FRAS1: variants seen among roughly 807,000 people sequenced by gnomAD.
FRAS1 encodes extracellular matrix organizing protein FRAS1.
Under a neutral mutation model 435.2 loss-of-function variants are expected in FRAS1, and 290 were observed. The observed-to-expected ratio is 0.67, with a 90% CI of 0.61 to 0.73. FRAS1 has a LOEUF of 0.73. Ranked by LOEUF, FRAS1 falls within the 30% of genes least tolerant of loss-of-function variation. The pLI is 0.00. For missense variants in FRAS1, 4,860 were observed against 5,001.5 expected, an observed-to-expected ratio of 0.97 and a Z score of 0.85; for synonymous variants, 1,800 against 1,851.0, an observed-to-expected ratio of 0.97 and a Z score of 0.71.
chr4:78,170,249 A>G (rs557440461), intron 2 of FRAS1, among the ~76,000 whole-genome samples: 1 of 152,204 alleles, frequency 6.6e-6, no homozygotes, highest in South Asian at 2.1e-4. Flanking sequence ...CCTATGTTAA[A>G]GGCTGGGTTT....
chr4:78,430,228 T>C (rs1734157805), intron 36 of FRAS1, 64 bp from the exon 37 acceptor site: 5 of 1,604,970 alleles, frequency 3.1e-6, no homozygotes, highest in Middle Eastern at 1.7e-4. Flanking sequence ...GCGGTTTTAA[T>C]ATATAGTCTA....
In FRAS1 at chr4:78,117,295, G is replaced by A. The variant is rs566648637; in HGVS notation, c.108+51279G>A. On this transcript the variant is annotated intron_variant, in intron 2 of 73. Transcript: ENST00000512123. ...TCCTTCATTTCAACTTTGGTGAATC[G>A]GACAATTATGTGTCTTGGAGTTGCT... 9.9e-5 allele frequency among the ~76,000 whole-genome samples: 15 copies of A among 152,122 alleles called. No homozygotes were observed. In the South Asian group the frequency reaches 1.7e-3, roughly 17 times the overall value.
rs528259626 is a variant in FRAS1 at position 78,403,601 on chromosome 4, A to T, written c.4129+2714A>T. 2.6e-5 allele frequency among the ~76,000 whole-genome samples: 4 copies of T among 152,296 alleles called. No homozygotes were observed. In the South Asian group the frequency reaches 8.3e-4, roughly 32 times the overall value. The stretch of plus-strand genomic sequence containing the variant: ...GCTGGACTTTGGGCTTTTTGTGAAG[A>T]GCTGACGCCTTGAAACAGAACCAAA... On this transcript the variant is annotated intron_variant, in intron 30 of 73. Transcript: ENST00000512123.
intron 58 of FRAS1, 107 bp downstream of exon 58, chr4:78,482,642 A>G (rs540949271): frequency 5.9e-5 from 72 of 1,212,854 alleles, no homozygotes; most frequent in African/African-American, 1.1e-4. Flanking sequence ...TTCAAGAAAT[A>G]TGTGTGTGTA....
chr4:78,522,632 G>A lies in FRAS1; in HGVS notation c.10649-17G>A. Reference sequence around the variant, plus strand: ...TACCACAAGTACATTAAATGCATGTGTTTCCCCTTCAAATAGGACAGTTTG... The same window carrying A: ...TACCACAAGTACATTAAATGCATGTATTTCCCCTTCAAATAGGACAGTTTG... On this transcript the variant is annotated splice_polypyrimidine_tract_variant and intron_variant, in intron 68 of 73. Transcript: ENST00000512123. The A allele has an allele frequency of 6.3e-7, 1 of 1,586,902 alleles. No homozygotes were observed. Among genetic ancestry groups the A allele is most frequent in the East Asian group, 2.3e-5 (1 of 44,070 alleles).
At chr4:78,341,123 G>A (rs57519575) in intron 20 of FRAS1, among the ~76,000 whole-genome samples, 15,542 of 152,190 alleles carry the variant, frequency 0.1, 875 homozygotes, top group African/African-American at 0.15. Context: ...GTGTATGTGA[G>A]TGTGTGGAGT....
Position 78,108,975 on chromosome 4 carries a change from A to G in FRAS1, c.108+42959A>G, listed in dbSNP as rs1241797971. Among the ~76,000 whole-genome samples, 5 of 76,082 alleles carry G rather than the reference A, an allele frequency of 6.6e-5. 1 individual carries two copies. Among genetic ancestry groups the G allele is most frequent in the Non-Finnish European group, 1.2e-4 (5 of 40,930 alleles). The allele number at this position is 76,082 out of a possible 152,430, so 49.9% of individuals were successfully genotyped here. Reference sequence around the variant, plus strand: ...ATCAGAGAATACTACAAACACCTCTACGCAAATAAACTAGAAAATCTAGAA... The same window carrying G: ...ATCAGAGAATACTACAAACACCTCTGCGCAAATAAACTAGAAAATCTAGAA... On this transcript the variant is annotated intron_variant, in intron 2 of 73. Transcript: ENST00000512123.
intron 39 of FRAS1, 91 bp downstream of exon 39, chr4:78,438,809 A>G: frequency 6.7e-7 from 1 of 1,496,346 alleles, no homozygotes; most frequent in Non-Finnish European, 9.1e-7. Context: ...GAAAGAATAT[A>G]TTGGTTTGGC....
At chr4:78,198,100 C>G (rs1378128944) in intron 2 of FRAS1, among the ~76,000 whole-genome samples, 1 of 152,176 alleles carries the variant, frequency 6.6e-6, no homozygotes, top group Non-Finnish European at 1.5e-5. Flanking sequence ...AGGCCAGACT[C>G]TCTGACCGAG....
intron 58 of FRAS1, 43 bp from the exon 59 acceptor site, chr4:78,488,832 T>A (rs775658077): frequency 6.4e-7 from 1 of 1,568,842 alleles, no homozygotes; most frequent in East Asian, 2.3e-5. Flanking sequence ...AGCTTCCCTG[T>A]CTTCCACTAA....
intron 23 of FRAS1, among the ~76,000 whole-genome samples, chr4:78,370,902 C>T (rs1451843728): frequency 6.6e-6 from 1 of 152,160 alleles, no homozygotes; most frequent in African/African-American, 2.4e-5. Context: ...TTCCACATTT[C>T]TCTCTATCCC....
chr4:78,498,950 T>C (rs1720594520), intron 60 of FRAS1, among the ~76,000 whole-genome samples: 1 of 152,074 alleles, frequency 6.6e-6, no homozygotes, highest in African/African-American at 2.4e-5. Context: ...AGGGCTCAAG[T>C]GACTCTCCCA....
chr4:78,159,835 C>A (rs956962930), intron 2 of FRAS1, among the ~76,000 whole-genome samples: 1 of 152,142 alleles, frequency 6.6e-6, no homozygotes, highest in African/African-American at 2.4e-5. Context: ...GAGCTGAGAT[C>A]ATGTCATTGC....
At chr4:78,489,654 A>G (rs754005015) in intron 59 of FRAS1, among the ~76,000 whole-genome samples, 6 of 152,196 alleles carry the variant, frequency 3.9e-5, no homozygotes, top group South Asian at 2.1e-4. Flanking sequence ...TCAAATACAC[A>G]TATCATTGGT....
chr4:78,331,235 T>A (rs1446891431), intron 18 of FRAS1, among the ~76,000 whole-genome samples: 1 of 152,236 alleles, frequency 6.6e-6, no homozygotes, highest in Non-Finnish European at 1.5e-5. Context: ...TACTCTTGAA[T>A]AAAGCTCTGT....
At chr4:78,303,970 C>T (rs1341738222) in intron 14 of FRAS1, among the ~76,000 whole-genome samples, 2 of 151,730 alleles carry the variant, frequency 1.3e-5, no homozygotes, top group Non-Finnish European at 2.9e-5. Context: ...TTTGCACATT[C>T]AGTATGATAT....
intron 59 of FRAS1, 105 bp from the exon 60 acceptor site, chr4:78,496,699 TG>T: frequency 9.4e-7 from 1 of 1,065,910 alleles, no homozygotes; most frequent in Non-Finnish European, 1.4e-6. Context: ...TGAATTTGTG[TG>T]GACTTTTTGA....
chr4:78,508,644 ATCTTGTGGATC>A, intron 62 of FRAS1, 76 bp from the exon 63 acceptor site: 1 of 1,376,130 alleles, frequency 7.3e-7, no homozygotes, highest in Non-Finnish European at 1.0e-6. Context: ...ACACTAAGAG[ATCTTGTGGATC>A]TCTAAAGAAA....
chr4:78,420,886 A>G (rs1373109974), intron 33 of FRAS1, among the ~76,000 whole-genome samples: 14 of 36,204 alleles, frequency 3.9e-4, no homozygotes, highest in African/African-American at 1.4e-3. Context: ...GGACATATAT[A>G]TATATATATA....
Sources: gnomAD v4.1 joint callset for allele counts (sites outside exome capture counted in the v4.1 genomes callset) on GRCh38, gnomAD v4.1.1 for gene constraint, MANE v1.5 for transcripts, NCBI Gene and HGNC (gene_info 2026-07-23, HGNC 2026-07-21) for gene names.